Variants in FCHSD2 observed in about 807,000 individuals in gnomAD.
The protein encoded by FCHSD2 is FCH and double SH3 domains 2, also known as F-BAR and double SH3 domains protein 2.
Under a neutral mutation model 108.1 loss-of-function variants are expected in FCHSD2, and 38 were observed. That is an observed-to-expected ratio of 0.35 (90% CI 0.27 to 0.46). The LOEUF (loss-of-function observed/expected upper bound fraction) is 0.46. Ranked by LOEUF, FCHSD2 falls within the 20% of genes least tolerant of loss-of-function variation. The pLI is 1.00. For synonymous variants in FCHSD2, 279 were observed against 314.7 expected, an observed-to-expected ratio of 0.89 and a Z score of 1.20; for missense variants, 751 against 897.8, an observed-to-expected ratio of 0.84 and a Z score of 2.09.
At chr11:73,107,096 G>A (rs1307625644) in intron 2 of FCHSD2, among the ~76,000 whole-genome samples, 1 of 152,054 alleles carries the variant, frequency 6.6e-6, no homozygotes, top group African/African-American at 2.4e-5. Context: ...CAGTGCAGTG[G>A]CGCAATATCG....
At chr11:73,058,911 G>C (rs1441502471) in intron 3 of FCHSD2, among the ~76,000 whole-genome samples, 1 of 151,688 alleles carries the variant, frequency 6.6e-6, no homozygotes, top group Non-Finnish European at 1.5e-5. Context: ...ATCTTTTTTG[G>C]ATCACTTACC....
At chr11:72,933,099 T>C (rs1209247522) in intron 8 of FCHSD2, among the ~76,000 whole-genome samples, 1 of 152,214 alleles carries the variant, frequency 6.6e-6, no homozygotes, top group Non-Finnish European at 1.5e-5. Flanking sequence ...TTCTTCCTTC[T>C]AGCAACAGAT....
chr11:72,851,740 TCAAAA>T (rs1167673180), intron 13 of FCHSD2, among the ~76,000 whole-genome samples: 1 of 151,832 alleles, frequency 6.6e-6, no homozygotes, highest in East Asian at 1.9e-4. Flanking sequence ...AGACTCTGTC[TCAAAA>T]CAAAACAAAA....
Position 72,921,961 on chromosome 11 carries a change from G to A in FCHSD2, c.706-11C>T. Reference sequence around the variant, plus strand: ...ATTTCCATCAAGAGCCTGTAATAGAGGAGTAAATAAAAGAAAAAAAATTAC... The same window carrying A: ...ATTTCCATCAAGAGCCTGTAATAGAAGAGTAAATAAAAGAAAAAAAATTAC... On this transcript the variant is annotated splice_polypyrimidine_tract_variant and intron_variant, in intron 8 of 19. Coordinates refer to ENST00000409418, the MANE Select transcript of FCHSD2 (RefSeq NM_014824.3). 1 of 1,565,396 alleles carries A rather than the reference G, an allele frequency of 6.4e-7. No individual in the cohort carries two copies. Among genetic ancestry groups the A allele is most frequent in the Non-Finnish European group, 8.7e-7 (1 of 1,153,716 alleles).
chr11:73,094,494 CA>C (rs1219224197), intron 2 of FCHSD2, among the ~76,000 whole-genome samples: 1 of 152,056 alleles, frequency 6.6e-6, no homozygotes, highest in Non-Finnish European at 1.5e-5. Flanking sequence ...CATAAATAGC[CA>C]AAAACAGTCC....
intron 13 of FCHSD2, among the ~76,000 whole-genome samples, chr11:72,857,741 C>T (rs1008605391): frequency 4.0e-5 from 6 of 151,888 alleles, no homozygotes; most frequent in African/African-American, 9.7e-5. Flanking sequence ...TGAGCCACCG[C>T]GCCCGGCCAA....
At chr11:73,129,897 CAG>C (rs1565104521) in intron 2 of FCHSD2, among the ~76,000 whole-genome samples, 1 of 131,346 alleles carries the variant, frequency 7.6e-6, no homozygotes, top group African/African-American at 3.0e-5. Context: ...TTTTTTGAGA[CAG>C]AGTCTCGCTC....
At chr11:72,895,469 G>C (rs1013788442) in intron 10 of FCHSD2, among the ~76,000 whole-genome samples, 1 of 152,148 alleles carries the variant, frequency 6.6e-6, no homozygotes, top group African/African-American at 2.4e-5. Flanking sequence ...CTTATAAAGA[G>C]TATGCCTTTA....
chr11:72,900,711 G>GT (rs1482107458), intron 10 of FCHSD2, among the ~76,000 whole-genome samples: 2 of 150,570 alleles, frequency 1.3e-5, no homozygotes, highest in Non-Finnish European at 3.0e-5. Flanking sequence ...GGCAAAGGTT[G>GT]TAATATAGAG....
intron 3 of FCHSD2, among the ~76,000 whole-genome samples, chr11:73,039,848 T>C (rs1020037308): frequency 1.3e-5 from 2 of 152,074 alleles, no homozygotes; most frequent in African/African-American, 4.8e-5. Flanking sequence ...AATTAATTTA[T>C]AATTTATAGA....
rs77605839 is a variant in FCHSD2 at position 72,868,021 on chromosome 11, A to G, written c.1152T>C (p.Ile384=). ...CCAACCGGGCTTCAGCTTTCAATTT[A>G]ATTATCTAGAGAACCAAGAAAATGG... is the stretch of plus-strand genomic sequence containing the variant. ...ARENIRKAEI[I]KLKAEARLDL... Residue 384 remains isoleucine (I), a synonymous_variant, in exon 13 of 20, where the codon ATT becomes ATC. Coordinates refer to ENST00000409418, the MANE Select transcript of FCHSD2 (RefSeq NM_014824.3). The G allele has an allele frequency of 1.6e-3, 2,484 of 1,556,024 alleles. 28 individuals are homozygous for G. In the African/African-American group the frequency reaches 0.029, roughly 18 times the overall value.
At chr11:72,926,149 G>C (rs1230865598) in intron 8 of FCHSD2, among the ~76,000 whole-genome samples, 1 of 152,154 alleles carries the variant, frequency 6.6e-6, no homozygotes, top group African/African-American at 2.4e-5. Flanking sequence ...GAAGAGGGTG[G>C]GTTCCCAGTA....
chr11:72,951,309 T>C (rs1016027311), intron 8 of FCHSD2, among the ~76,000 whole-genome samples: 1 of 152,226 alleles, frequency 6.6e-6, no homozygotes, highest in Non-Finnish European at 1.5e-5. Flanking sequence ...GGCAGAGTTG[T>C]AAGCAGTGAT....
intron 11 of FCHSD2, among the ~76,000 whole-genome samples, 177 bp downstream of exon 11, chr11:72,889,652 G>T (rs988862532): frequency 6.6e-6 from 1 of 152,188 alleles, no homozygotes; most frequent in Non-Finnish European, 1.5e-5. Context: ...GGTTGAAGCT[G>T]CAGTAAGCCA....
intron 2 of FCHSD2, among the ~76,000 whole-genome samples, chr11:73,115,159 G>A (rs1860575378): frequency 6.6e-6 from 1 of 152,222 alleles, no homozygotes; most frequent in African/African-American, 2.4e-5. Context: ...CTCCATGAGT[G>A]GTCATTGGCT....
intron 14 of FCHSD2, among the ~76,000 whole-genome samples, chr11:72,845,093 A>G (rs969189642): frequency 6.6e-6 from 1 of 152,180 alleles, no homozygotes; most frequent in African/African-American, 2.4e-5. Context: ...CCAGGGAGGT[A>G]GTACACTTTT....
chr11:72,913,160 T>C (rs1331592077), intron 9 of FCHSD2, among the ~76,000 whole-genome samples: 1 of 152,168 alleles, frequency 6.6e-6, no homozygotes, highest in African/African-American at 2.4e-5. Flanking sequence ...TTTAATTACC[T>C]CCCACTGGCC....
intron 2 of FCHSD2, among the ~76,000 whole-genome samples, chr11:73,138,484 C>T (rs1256083977): frequency 6.6e-6 from 1 of 152,138 alleles, no homozygotes; most frequent in East Asian, 1.9e-4. Flanking sequence ...ATTCTGCCTT[C>T]CTGAACTGCT....
rs960997717 is a variant in FCHSD2 at position 73,043,192 on chromosome 11, T to C, written c.166-27307A>G. ...CAGTATGATGTTAGCTGTGCGTCTG[T>C]CATACATAGCCTTTATTTTGCTGAG... is the stretch of plus-strand genomic sequence containing the variant. On this transcript the variant is annotated intron_variant, in intron 3 of 19. Transcript: ENST00000409418. Among the ~76,000 whole-genome samples the C allele has an allele frequency of 4.9e-4, 74 of 152,212 alleles. 1 individual carries two copies. The highest frequency in any genetic ancestry group is 8.8e-5 in the Non-Finnish European group (6 of 68,032).
Sources: gnomAD v4.1 joint callset for allele counts (sites outside exome capture counted in the v4.1 genomes callset) on GRCh38, gnomAD v4.1.1 for gene constraint, MANE v1.5 for transcripts, NCBI Gene and HGNC (gene_info 2026-07-23, HGNC 2026-07-21) for gene names.